ASAP1: variants seen among roughly 807,000 people sequenced by gnomAD.
The protein encoded by ASAP1 is arf-GAP with SH3 domain, ANK repeat and PH domain-containing protein 1.
A neutral mutation model predicts 145.2 loss-of-function variants in ASAP1; 43 were observed. The observed-to-expected ratio is 0.30, with a 90% CI of 0.23 to 0.38. The LOEUF is 0.38. Ranked by LOEUF, ASAP1 falls within the 10% of genes least tolerant of loss-of-function variation. The pLI, the probability that ASAP1 is intolerant of heterozygous loss-of-function variation, is 1.00. For synonymous variants in ASAP1, 546 were observed against 515.5 expected (o/e 1.06, Z -0.80); for missense variants, 1,018 against 1,355.3 (o/e 0.75, Z 3.91).
chr8:130,054,720 T>C lies in ASAP1; in HGVS notation c.*11A>G, dbSNP rs376212749. 56 of 1,611,234 alleles carry C rather than the reference T, an allele frequency of 3.5e-5. No individual in the cohort carries two copies. Among genetic ancestry groups the C allele is most frequent in the African/African-American group, 5.3e-5 (4 of 74,824 alleles). On this transcript the variant is annotated 3_prime_UTR_variant, in exon 30 of 30. Transcript: ENST00000518721. ...TGAAGGATGTGGACAATCTTAAGGT[T>C]CTGCGTTTTGCTAGTCAGACAGGAT...
chr8:130,293,261 CT>C (rs1364280401), intron 3 of ASAP1, among the ~76,000 whole-genome samples: 2 of 152,178 alleles, frequency 1.3e-5, no homozygotes, highest in Admixed American at 6.5e-5. Context: ...CCAGGTCATA[CT>C]GATGCTGCTG....
chr8:130,108,492 G>A (rs2097541200), intron 24 of ASAP1, among the ~76,000 whole-genome samples: 2 of 152,110 alleles, frequency 1.3e-5, no homozygotes. Flanking sequence ...TCATTATCCA[G>A]AGCATTTGTT....
intron 1 of ASAP1, among the ~76,000 whole-genome samples, chr8:130,427,273 G>T (rs1829956174): frequency 6.6e-6 from 1 of 152,128 alleles, no homozygotes; most frequent in Admixed American, 6.5e-5. Context: ...AGTTATCATG[G>T]CCTCCCAGGA....
chr8:130,121,694 G>C (rs906420786), intron 18 of ASAP1, among the ~76,000 whole-genome samples: 5 of 132,550 alleles, frequency 3.8e-5, no homozygotes, highest in Non-Finnish European at 6.2e-5. Context: ...TGCGACAGGA[G>C]AATCACTTGA....
chr8:130,257,706 A>G (rs1214416199), intron 3 of ASAP1, among the ~76,000 whole-genome samples: 2 of 152,100 alleles, frequency 1.3e-5, no homozygotes, highest in Non-Finnish European at 2.9e-5. Flanking sequence ...GCATTAATAT[A>G]CTAAAATTCA....
rs1288763122 is a variant in ASAP1, at chr8:130,358,454, G to C, written c.60-311C>G. Among the ~76,000 whole-genome samples, 3 of 148,448 alleles carry C rather than the reference G, an allele frequency of 2.0e-5. No individual in the cohort carries two copies. The highest frequency in any genetic ancestry group is 4.5e-5 in the Non-Finnish European group (3 of 66,520). ...CGGCGGCAGCTCCTCAGCGGCGGGGGAGGGGACGCGGCTGCGCGCGGGGTC... is the reference window on the plus strand; with the variant it reads ...CGGCGGCAGCTCCTCAGCGGCGGGGCAGGGGACGCGGCTGCGCGCGGGGTC... On this transcript the variant is annotated intron_variant, in intron 2 of 29. Coordinates refer to ENST00000518721, the MANE Select transcript of ASAP1 (RefSeq NM_018482.4). The surrounding 1 kb of genome is among the most constrained non-coding windows in gnomAD (Gnocchi z 4.1).
At chr8:130,256,896 A>C (rs1446405518) in intron 3 of ASAP1, among the ~76,000 whole-genome samples, 1 of 150,570 alleles carries the variant, frequency 6.6e-6, no homozygotes. Context: ...TGGGAGTAAA[A>C]TTAAAGGGAT....
At chr8:130,059,423 C>T (rs777636480) in intron 28 of ASAP1, among the ~76,000 whole-genome samples, 2 of 152,038 alleles carry the variant, frequency 1.3e-5, no homozygotes, top group Non-Finnish European at 2.9e-5. Flanking sequence ...CTTTGGCCTC[C>T]CAAAGTGCTG....
At chr8:130,220,988 C>T (rs1817260520) in intron 4 of ASAP1, among the ~76,000 whole-genome samples, 1 of 152,088 alleles carries the variant, frequency 6.6e-6, no homozygotes, top group African/African-American at 2.4e-5. Context: ...CCTCCCCCAA[C>T]ATGTGGGGAT....
intron 3 of ASAP1, among the ~76,000 whole-genome samples, chr8:130,242,264 A>AC (rs1366954652): frequency 3.7e-4 from 35 of 93,954 alleles, no homozygotes; most frequent in African/African-American, 9.2e-4. Flanking sequence ...ATTTCCTTAA[A>AC]AAAAAAAAAA....
At chr8:130,134,551 A>G (rs1367614632) in intron 14 of ASAP1, among the ~76,000 whole-genome samples, 1 of 152,196 alleles carries the variant, frequency 6.6e-6, no homozygotes, top group Non-Finnish European at 1.5e-5. Flanking sequence ...TTTTACAGAA[A>G]AAAAAACTGA....
At chr8:130,172,098 T>C (rs1813631203) in intron 9 of ASAP1, among the ~76,000 whole-genome samples, 1 of 152,178 alleles carries the variant, frequency 6.6e-6, no homozygotes, top group Non-Finnish European at 1.5e-5. Context: ...TTTGCTCATG[T>C]GTAAATGGGC....
chr8:130,159,829 C>T, intron 12 of ASAP1, 35 bp downstream of exon 12: 1 of 1,530,164 alleles, frequency 6.5e-7, no homozygotes, highest in Non-Finnish European at 9.1e-7. Context: ...CTAGGTTAAT[C>T]ACACACTGAG....
rs1159191172 is a variant in ASAP1, at chr8:130,131,603, G to GAAA, written c.1217+2690_1217+2692dup. ...ACAACAGCAAGACCTCATGGCTACT[G>GAAA]AAAAAAAAAAAAAAAAAAAAAAAAA... On this transcript the variant is annotated intron_variant, in intron 15 of 29. Transcript: ENST00000518721. Among the ~76,000 whole-genome samples the GAAA allele has an allele frequency of 1.9e-3, 121 of 63,092 alleles. 2 individuals are homozygous for GAAA. The highest frequency in any genetic ancestry group is 8.8e-3 in the African/African-American group (108 of 12,288). The allele number at this position is 63,092 out of a possible 152,430, so 41.4% of individuals were successfully genotyped here. A position where few individuals can be genotyped will look rare whatever the true frequency, so the allele number is the denominator to read the frequency against.
At chr8:130,438,958 C>T (rs1830404440) in intron 1 of ASAP1, among the ~76,000 whole-genome samples, 1 of 152,200 alleles carries the variant, frequency 6.6e-6, no homozygotes, top group South Asian at 2.1e-4. Flanking sequence ...GACCTGGGAA[C>T]ACATTAGGTT....
chr8:130,172,619 G>C (rs1410614207), intron 9 of ASAP1, among the ~76,000 whole-genome samples: 1 of 152,090 alleles, frequency 6.6e-6, no homozygotes, highest in African/African-American at 2.4e-5. Flanking sequence ...TCAAGTGCTT[G>C]GTAGCCACGT....
rs1183171545 is a variant in ASAP1 at position 130,226,386 on chromosome 8, T to C, written c.259+10536A>G. 2.6e-5 allele frequency among the ~76,000 whole-genome samples: 4 copies of C among 152,206 alleles called. No individual in the cohort carries two copies. The East Asian group carries it at 7.7e-4, about 29-fold the overall frequency. On this transcript the variant is annotated intron_variant, in intron 4 of 29. Transcript: ENST00000518721. ...ACAACTGCTGATTATGAGCAAATTA[T>C]TTCACTTCCCTGAGCCTCAGTTTCC...
chr8:130,318,691 CCCTTTCCCAAGG>C (rs1251259039), intron 3 of ASAP1, among the ~76,000 whole-genome samples: 1 of 152,220 alleles, frequency 6.6e-6, no homozygotes, highest in Non-Finnish European at 1.5e-5. Context: ...ACAGTTAGGT[CCCTTTCCCAAGG>C]CCTTAAAACT....
chr8:130,121,689 C>A (rs776073880), intron 18 of ASAP1, among the ~76,000 whole-genome samples: 1 of 137,160 alleles, frequency 7.3e-6, no homozygotes, highest in South Asian at 2.3e-4. Flanking sequence ...GAGGCTGCGA[C>A]AGGAGAATCA....
Sources: gnomAD v4.1 joint callset for allele counts (sites outside exome capture counted in the v4.1 genomes callset) on GRCh38, gnomAD v4.1.1 for gene constraint, Gnocchi (gnomAD v3.1) non-coding constraint, MANE v1.5 for transcripts, NCBI Gene and HGNC (gene_info 2026-07-23, HGNC 2026-07-21) for gene names.